PCDHGB2: variants seen among roughly 807,000 people sequenced by gnomAD.
PCDHGB2 encodes the protein protocadherin gamma subfamily B, 2, also known as protocadherin gamma-B2.
PCDHGB2 carries 55 observed loss-of-function variants against 59.3 expected under a neutral mutation model. The observed-to-expected ratio is 0.93, with a 90% CI of 0.75 to 1.16. PCDHGB2 has a LOEUF of 1.16. Among genes scored for constraint, PCDHGB2 ranks in the 50% most tolerant of loss-of-function variants. PCDHGB2 has a pLI of 0.00. For synonymous variants in PCDHGB2, 516 were observed against 512.0 expected, an observed-to-expected ratio of 1.01 and a Z score of -0.11; for missense variants, 1,228 against 1,198.5, an observed-to-expected ratio of 1.02 and a Z score of -0.36.
In PCDHGB2 at chr5:141,404,506, C is replaced by T. The variant is rs530963064; in HGVS notation, c.2421+41950C>T. The stretch of plus-strand genomic sequence containing the variant: ...ACACTGGTGTGCTGTATGCTCTGTG[C>T]TCCTTTGACTATGAGCAGTTTAGAG... On this transcript the variant is annotated intron_variant, in intron 1 of 3. Coordinates refer to ENST00000522605, the MANE Select transcript of PCDHGB2 (RefSeq NM_018923.3). 540 of 1,613,932 alleles carry T rather than the reference C, an allele frequency of 3.3e-4. 6 individuals are homozygous for T. In the South Asian group the frequency reaches 5.6e-3, roughly 17 times the overall value.
At chr5:141,416,870 A>G (rs1315073474) in intron 1 of PCDHGB2, 4 of 152,154 alleles carry the variant, frequency 2.6e-5, no homozygotes, top group Non-Finnish European at 5.9e-5. Flanking sequence ...GTCAGTCAAC[A>G]TTTGTTGAAT....
chr5:141,419,350 G>A, intron 1 of PCDHGB2: 1 of 1,613,848 alleles, frequency 6.2e-7, no homozygotes, highest in Non-Finnish European at 8.5e-7. Context: ...GCGACCTGGA[G>A]TCACGAACGC....
intron 1 of PCDHGB2, chr5:141,383,758 A>G: frequency 6.2e-7 from 1 of 1,613,970 alleles, no homozygotes. Flanking sequence ...AATAACTCCT[A>G]AACTTCCAAA....
intron 1 of PCDHGB2, among the ~76,000 whole-genome samples, chr5:141,443,876 G>C (rs2098409251): frequency 6.6e-6 from 1 of 152,152 alleles, no homozygotes; most frequent in South Asian, 2.1e-4. Flanking sequence ...TTACTGATAA[G>C]TCAAGAGAAA....
chr5:141,451,976 A>T (rs2098729884), intron 1 of PCDHGB2, among the ~76,000 whole-genome samples: 1 of 152,164 alleles, frequency 6.6e-6, no homozygotes, highest in Non-Finnish European at 1.5e-5. Flanking sequence ...TTTTTGCTGT[A>T]GTTTGTTCAT....
chr5:141,475,903 G>C, intron 1 of PCDHGB2: 5 of 576,064 alleles, frequency 8.7e-6, no homozygotes, highest in Non-Finnish European at 1.5e-5. Context: ...TGCCGCTGTC[G>C]GCCAATGAAG....
In PCDHGB2 at chr5:141,511,346, C is replaced by T; in HGVS notation, c.*173C>T. 7.1e-7 allele frequency: 1 copy of T among 1,400,168 alleles called. No homozygotes were observed. The allele number at this position is 1,400,168 out of a possible 1,614,324, so 86.7% of individuals were successfully genotyped here. A position where few individuals can be genotyped will look rare whatever the true frequency, so the allele number is the denominator to read the frequency against. On this transcript the variant is annotated 3_prime_UTR_variant, in exon 4 of 4. Transcript: ENST00000522605. ...AGTGCCCAGTCAGCACCTACCCCTT[C>T]CCCCCCAGGGGGTTGAATATGCAAA...
Position 141,399,482 on chromosome 5 carries a change from C to T in PCDHGB2, c.2421+36926C>T, listed in dbSNP as rs559370708. 8.1e-6 allele frequency: 13 copies of T among 1,613,934 alleles called. No individual in the cohort carries two copies. In the South Asian group the frequency reaches 1.3e-4, roughly 16 times the overall value. ...AACGCTCCGGTTTTCCACCAGGCGT[C>T]CTACTTAGTCAGTGTACCCGAAAAC... On this transcript the variant is annotated intron_variant, in intron 1 of 3. Coordinates refer to ENST00000522605, the MANE Select transcript of PCDHGB2 (RefSeq NM_018923.3).
chr5:141,384,184 A>C (rs1179495803), intron 1 of PCDHGB2: 2 of 1,613,640 alleles, frequency 1.2e-6, no homozygotes, highest in Non-Finnish European at 1.7e-6. Flanking sequence ...AGATGGTGGA[A>C]CTCCTCCCTT....
At position 141,360,791 on chromosome 5, in the gene PCDHGB2, A is replaced by T; in HGVS notation, c.656A>T (p.Asp219Val). 2 of 1,613,920 alleles carry T rather than the reference A, an allele frequency of 1.2e-6. No individual in the cohort carries two copies. The highest frequency in any genetic ancestry group is 4.5e-5 in the East Asian group (2 of 44,878). The part of the protein sequence containing the change: ...QLVLTAVDGG[D>V]PPQSGTTQIR... ...GTCCTCACAGCTGTGGATGGCGGAG[A>T]CCCACCTCAAAGTGGCACGACCCAA... The change falls in exon 1 of 4, where the codon GAC becomes GTC. Residue 219 changes from aspartate (D) to valine (V), a missense_variant. Asp to Val is a radical substitution (Grantham distance 152). Transcript: ENST00000522605.
At chr5:141,422,716 G>T (rs1348237465) in intron 1 of PCDHGB2, 1 of 1,604,378 alleles carries the variant, frequency 6.2e-7, no homozygotes, top group African/African-American at 1.3e-5. Context: ...GGATGACACT[G>T]TCCAGGGGGT....
chr5:141,392,683 G>A, intron 1 of PCDHGB2: 1 of 1,058,682 alleles, frequency 9.4e-7, no homozygotes. Context: ...GGACTGCAGC[G>A]AAACCCGACC....
chr5:141,406,620 C>T (rs1355085005), intron 1 of PCDHGB2, among the ~76,000 whole-genome samples: 1 of 152,148 alleles, frequency 6.6e-6, no homozygotes, highest in Non-Finnish European at 1.5e-5. Flanking sequence ...CTTTTATTCT[C>T]ATATCTTCAA....
chr5:141,466,195 C>G (rs1269214888), intron 1 of PCDHGB2, among the ~76,000 whole-genome samples: 1 of 151,748 alleles, frequency 6.6e-6, no homozygotes, highest in Non-Finnish European at 1.5e-5. Flanking sequence ...TTTTCAGACA[C>G]AGCCTTGCTC....
At chr5:141,468,330 C>CAAAAAAAAAAAA (rs533390277) in intron 1 of PCDHGB2, 1 of 79,864 alleles carries the variant, frequency 1.3e-5, no homozygotes, top group African/African-American at 3.9e-5. Context: ...AACTCCATCT[C>CAAAAAAAAAAAA]AAAAAAAAAA....
chr5:141,399,259 G>A, intron 1 of PCDHGB2: 1 of 1,613,874 alleles, frequency 6.2e-7, no homozygotes, highest in Non-Finnish European at 8.5e-7. Context: ...AAATGGGGAG[G>A]TTAATTGTCA....
intron 1 of PCDHGB2, chr5:141,422,942 G>C (rs199976232): frequency 6.2e-7 from 1 of 1,614,214 alleles, no homozygotes; most frequent in East Asian, 2.2e-5. Flanking sequence ...CCCACAGACG[G>C]CTCCACTGGC....
rs768265171 is a variant in PCDHGB2, at chr5:141,432,847, G to T, written c.2422-61960G>T. The T allele has an allele frequency of 6.2e-7, 1 of 1,614,180 alleles. No homozygotes were observed. On this transcript the variant is annotated intron_variant, in intron 1 of 3. Transcript: ENST00000522605. The surrounding 1 kb of genome is among the most constrained non-coding windows in gnomAD (Gnocchi z 6.0). ...ACCTCACTCTGTACCTGGTGGTAGC[G>T]GTGGCCGCGGTCTCCTGCGTCTTCC...
intron 1 of PCDHGB2, among the ~76,000 whole-genome samples, chr5:141,445,902 T>C (rs1022574381): frequency 3.9e-5 from 6 of 152,186 alleles, no homozygotes; most frequent in Non-Finnish European, 8.8e-5. Context: ...TTAAAATATT[T>C]TAAACAAGGC....
Sources: allele counts gnomAD v4.1 joint callset (sites outside exome capture counted in the v4.1 genomes callset), GRCh38; gene constraint gnomAD v4.1.1; non-coding constraint Gnocchi (gnomAD v3.1); transcripts MANE v1.5; gene names NCBI Gene and HGNC (gene_info 2026-07-23, HGNC 2026-07-21).